Variants in PGBD2 observed in about 807,000 individuals in gnomAD.
PGBD2 encodes piggyBac transposable element derived 2.
In PGBD2, 6 loss-of-function variants were observed where a neutral mutation model predicts 8.1. The ratio of observed to expected loss-of-function variants is 0.74; its 90% CI spans 0.40 to 1.46. The LOEUF (loss-of-function observed/expected upper bound fraction) is 1.46, where lower values mean the gene tolerates loss of function less well. PGBD2 is among the 40% of genes most tolerant of loss of function. The pLI is 0.02. For missense variants in PGBD2, 802 were observed against 739.0 expected (o/e 1.09, Z -0.99); for synonymous variants, 318 against 272.2 (o/e 1.17, Z -1.66).
chr1:248,899,584 C>A, the PGBD2 span, among the ~76,000 whole-genome samples: 3 of 151,876 alleles, frequency 2.0e-5, no homozygotes, highest in African/African-American at 7.3e-5. Context: ...TGGAATGCAG[C>A]GAAAGCAGTG....
At position 248,917,220 on chromosome 1, in the gene PGBD2, G is replaced by A. The variant is rs763495913; in HGVS notation, c.636G>A (p.Val212=). 10 of 1,614,072 alleles carry A rather than the reference G, an allele frequency of 6.2e-6. No homozygotes were observed. The highest frequency in any genetic ancestry group is 1.6e-4 in the Middle Eastern group (1 of 6,062). ...ETSPDSHHHL[V]ADAIRRDRFE... ...CTCCCGATTCACATCATCATCTTGT[G>A]GCTGATGCAATTAGAAGGGACAGAT... The change falls in exon 3 of 3, where the codon GTG becomes GTA. Residue 212 remains valine (V), a synonymous_variant. Transcript: ENST00000329291.
At chr1:248,874,611 A>G in the PGBD2 span, among the ~76,000 whole-genome samples, 18 of 152,166 alleles carry the variant, frequency 1.2e-4, no homozygotes, top group African/African-American at 3.9e-4. Context: ...ACAGATTTCA[A>G]AAAGTCTCCC....
At chr1:248,902,917 A>G (rs764904135), upstream of PGBD2, among the ~76,000 whole-genome samples, 74 of 152,218 alleles carry the variant, frequency 4.9e-4, no homozygotes, top group Non-Finnish European at 8.7e-4. Context: ...TAAGCTTAAT[A>G]CCTAGGTGAT....
At chr1:248,908,487 A>G (rs999398821) in intron 1 of PGBD2, among the ~76,000 whole-genome samples, 8 of 151,924 alleles carry the variant, frequency 5.3e-5, no homozygotes, top group East Asian at 1.9e-4. Flanking sequence ...CCCTCAACCA[A>G]TTATCCAGGC....
In PGBD2 at chr1:248,918,345, G is replaced by C; in HGVS notation, c.1761G>C (p.Arg587Ser). ...CQKGVHAKCF[R>S]EYHIR ...AGGGTGTCCATGCCAAATGCTTCAG[G>C]GAGTACCACATCCGGTGACATCATG... is the stretch of plus-strand genomic sequence containing the variant. The change falls in exon 3 of 3, where the codon AGG becomes AGC. Residue 587 changes from arginine to serine, a missense_variant. Physicochemically the swap from Arg to Ser is moderately radical, Grantham distance 110. Coordinates refer to ENST00000329291, the MANE Select transcript of PGBD2 (RefSeq NM_170725.3). The C allele has an allele frequency of 1.3e-6, 2 of 1,557,902 alleles. No homozygotes were observed. The highest frequency in any genetic ancestry group is 1.7e-6 in the Non-Finnish European group (2 of 1,152,818).
the PGBD2 span, among the ~76,000 whole-genome samples, chr1:248,882,891 T>C: frequency 6.6e-6 from 1 of 152,238 alleles, no homozygotes; most frequent in Non-Finnish European, 1.5e-5. Context: ...TCATCTTTTA[T>C]TCCGTAGCAA....
At chr1:248,910,245 G>T (rs1661819116) in intron 1 of PGBD2, among the ~76,000 whole-genome samples, 1 of 152,236 alleles carries the variant, frequency 6.6e-6, no homozygotes, top group Non-Finnish European at 1.5e-5. Flanking sequence ...ACATTATGAA[G>T]AGCCTCAGGT....
At chr1:248,881,940 C>T in the PGBD2 span, among the ~76,000 whole-genome samples, 1 of 152,080 alleles carries the variant, frequency 6.6e-6, no homozygotes. Flanking sequence ...AAATTCATTC[C>T]TGTAATGTCT....
chr1:248,930,178 C>T, the PGBD2 span, among the ~76,000 whole-genome samples: 50 of 152,204 alleles, frequency 3.3e-4, 1 homozygote, highest in South Asian at 9.7e-3. Context: ...AGCATCATAG[C>T]GTGCCATAAC....
the PGBD2 span, among the ~76,000 whole-genome samples, chr1:248,873,947 T>C: frequency 6.6e-6 from 1 of 152,160 alleles, no homozygotes; most frequent in Non-Finnish European, 1.5e-5. Context: ...TGGGTTCGAA[T>C]CCCACTTCTG....
upstream of PGBD2, among the ~76,000 whole-genome samples, chr1:248,905,251 T>G (rs1401563039): frequency 6.6e-6 from 1 of 151,890 alleles, no homozygotes; most frequent in African/African-American, 2.4e-5. Context: ...CTTTGTGAAG[T>G]GTCAGTGTGG....
At chr1:248,888,611 TC>T in the PGBD2 span, among the ~76,000 whole-genome samples, 3 of 152,218 alleles carry the variant, frequency 2.0e-5, no homozygotes, top group Non-Finnish European at 4.4e-5. Context: ...TTGATTTGTT[TC>T]AGTTCCTTAT....
At chr1:248,892,962 A>G in the PGBD2 span, among the ~76,000 whole-genome samples, 1,360 of 152,348 alleles carry the variant, frequency 8.9e-3, 8 homozygotes, top group Non-Finnish European at 0.015. Context: ...GTTGCTTGGA[A>G]AACTAAGCAC....
Position 248,916,585 on chromosome 1 carries a change from G to C in PGBD2, c.18-17G>C. 6.2e-7 allele frequency: 1 copy of C among 1,610,392 alleles called. No individual in the cohort carries two copies. Among genetic ancestry groups the C allele is most frequent in the Non-Finnish European group, 8.5e-7 (1 of 1,177,154 alleles). ...TCTGGCATGGCCTCTTCCTGATTCT[G>C]TTTCCTGTCATAACAGAGATGTCAT... On this transcript the variant is annotated splice_polypyrimidine_tract_variant and intron_variant, in intron 2 of 2. Coordinates refer to ENST00000329291, the MANE Select transcript of PGBD2 (RefSeq NM_170725.3).
At chr1:248,880,161 G>C in the PGBD2 span, among the ~76,000 whole-genome samples, 1,569 of 152,164 alleles carry the variant, frequency 0.01, 36 homozygotes, top group African/African-American at 0.036. Flanking sequence ...ATACATTCTG[G>C]CAAGTCTATT....
At chr1:248,888,049 T>C in the PGBD2 span, among the ~76,000 whole-genome samples, 1 of 152,224 alleles carries the variant, frequency 6.6e-6, no homozygotes, top group Non-Finnish European at 1.5e-5. Context: ...CTTAGGATAA[T>C]GACCTCCAGC....
At chr1:248,897,653 A>G in the PGBD2 span, among the ~76,000 whole-genome samples, 3 of 152,126 alleles carry the variant, frequency 2.0e-5, no homozygotes, top group South Asian at 6.2e-4. Context: ...TGCATGCTGA[A>G]GCTTGAAAAT....
chr1:248,916,504 A>G (rs1253806493), intron 2 of PGBD2, 98 bp from the exon 3 acceptor site: 3 of 975,260 alleles, frequency 3.1e-6, no homozygotes, highest in South Asian at 1.6e-5. Flanking sequence ...AAGCCATTCA[A>G]GTGGAAGTGT....
At chr1:248,925,759 G>A in the PGBD2 span, among the ~76,000 whole-genome samples, 1 of 152,168 alleles carries the variant, frequency 6.6e-6, no homozygotes, top group East Asian at 1.9e-4. Flanking sequence ...TTGGAGCTAA[G>A]AGGAAACATT....
Sources: gnomAD v4.1 joint callset for allele counts (sites outside exome capture counted in the v4.1 genomes callset) on GRCh38, gnomAD v4.1.1 for gene constraint, MANE v1.5 for transcripts, NCBI Gene and HGNC (gene_info 2026-07-23, HGNC 2026-07-21) for gene names.